Variants in PAPOLB observed in about 807,000 individuals in gnomAD.
The protein encoded by PAPOLB is PAP-beta.
In PAPOLB, 19 loss-of-function variants were observed where a neutral mutation model predicts 23.2. The ratio of observed to expected loss-of-function variants is 0.82; its 90% CI spans 0.57 to 1.20. The LOEUF (loss-of-function observed/expected upper bound fraction) is 1.20, where lower values mean the gene tolerates loss of function less well. Ranked by LOEUF, PAPOLB falls within the 50% of genes most tolerant of loss-of-function variation. The pLI, the probability that PAPOLB is intolerant of heterozygous loss-of-function variation, is 0.00. For synonymous variants in PAPOLB, 360 were observed against 290.7 expected, an observed-to-expected ratio of 1.24 and a Z score of -2.43; for missense variants, 822 against 776.8, an observed-to-expected ratio of 1.06 and a Z score of -0.69.
Position 4,860,658 on chromosome 7 carries a change from C to G in PAPOLB, c.1153G>C (p.Glu385Gln), listed in dbSNP as rs546710495. Residue 385 changes from glutamate (E) to glutamine (Q), a missense_variant, in exon 1 of 1, where the codon GAA (glutamate) becomes CAA (glutamine). Physicochemically the swap from Glu to Gln is conservative, Grantham distance 29. Around this residue, in one of 3 missense-constraint regions of PAPOLB, gnomAD observed 534 missense variants for 502.8 expected, o/e 1.06. Transcript: ENST00000404991. ...YIVLLASAST[E>Q]KQHLEWVGLV... ...CCCACCCATTCTAAATGTTGTTTTT[C>G]TGTTGATGCACTTGCCAGAAGTACA... 24 of 1,614,186 alleles carry G rather than the reference C, an allele frequency of 1.5e-5. No homozygotes were observed. In the Admixed American group the frequency reaches 4.0e-4, roughly 27 times the overall value.
Position 4,861,481 on chromosome 7 carries a change from C to T in PAPOLB, c.330G>A (p.Thr110=), listed in dbSNP as rs1023397543. The part of the protein sequence containing the change: ...TFGSYRLGVH[T]KGADIDALCV... ...ACAAGGCGTCAATATCTGCGCCTTT[C>T]GTATGTACTCCTAATCTGTAAGAGC... The change falls in exon 1 of 1, where the codon ACG becomes ACA. Residue 110 remains threonine (T), a synonymous_variant. Coordinates refer to ENST00000404991, the MANE Select transcript of PAPOLB (RefSeq NM_020144.5). The T allele has an allele frequency of 2.5e-6, 4 of 1,614,094 alleles. No individual in the cohort carries two copies. Among genetic ancestry groups the T allele is most frequent in the Admixed American group, 1.7e-5 (1 of 60,016 alleles).
rs1381318987 is a variant in PAPOLB, at chr7:4,860,414, T to C, written c.1397A>G (p.Asp466Gly). ...DLTYDIQSFTDTVYRQAVNSK... is the reference protein window; with the variant it reads ...DLTYDIQSFTGTVYRQAVNSK... ...ATTCACTGCTTGCCTATAAACAGTA[T>C]CTGTGAAAGACTGGATATCATAGGT... Residue 466 changes from aspartate (D) to glycine (G), a missense_variant, in exon 1 of 1, where the codon GAT (aspartate) becomes GGT (glycine). This residue lies in a region of PAPOLB where 534 missense variants were observed against 502.8 expected (regional missense o/e 1.06). Transcript: ENST00000404991. 3 of 1,613,948 alleles carry C rather than the reference T, an allele frequency of 1.9e-6. No individual in the cohort carries two copies. Among genetic ancestry groups the C allele is most frequent in the Non-Finnish European group, 2.5e-6 (3 of 1,179,898 alleles).
In PAPOLB at chr7:4,860,192, G is replaced by A. The variant is rs1381773139; in HGVS notation, c.1619C>T (p.Thr540Ile). 1 of 1,613,914 alleles carries A rather than the reference G, an allele frequency of 6.2e-7. No individual in the cohort carries two copies. The highest frequency in any genetic ancestry group is 1.3e-5 in the African/African-American group (1 of 74,934). The change falls in exon 1 of 1, where the codon ACT (threonine) becomes ATT (isoleucine). Residue 540 changes from threonine (T) to isoleucine (I), a missense_variant. Thr to Ile is a moderately conservative substitution (Grantham distance 89). Transcript: ENST00000404991. ...CAATGGGCCTGTCTTCATAGTGCTA[G>A]TAGATGAAGGCACAGACATGCTGTT... ...CENSMSVPSS[T>I]STMKTGPLIS...
At position 4,859,306 on chromosome 7, in the gene PAPOLB, G is replaced by A. The variant is rs955294750; in HGVS notation, c.*591C>T. 6.5e-6 allele frequency: 1 copy of A among 152,882 alleles called. No homozygotes were observed. Among genetic ancestry groups the A allele is most frequent in the Non-Finnish European group, 1.5e-5 (1 of 68,290 alleles). 9.5% of individuals were successfully genotyped at this position (152,882 alleles called of 1,614,324 possible). On this transcript the variant is annotated 3_prime_UTR_variant, in exon 1 of 1. Coordinates refer to ENST00000404991, the MANE Select transcript of PAPOLB (RefSeq NM_020144.5). ...ATAAAAAATATAAAGTGCCTCATCA[G>A]TATAAGGAATTCTGATACCAGTTTG...
Position 4,860,959 on chromosome 7 carries a change from G to A in PAPOLB, c.852C>T (p.Asn284=). The change falls in exon 1 of 1, where the codon AAC becomes AAT. Residue 284 remains asparagine (N), a synonymous_variant. Transcript: ENST00000404991. ...CTTCAGGCTCCTTCAGTAACACTGGGTTTGGCCATTCCCATTCTGAAAATA... is the reference window on the plus strand; with the variant it reads ...CTTCAGGCTCCTTCAGTAACACTGGATTTGGCCATTCCCATTCTGAAAATA... ...FLVFSEWEWP[N]PVLLKEPEER... 6.2e-7 allele frequency: 1 copy of A among 1,614,216 alleles called. No homozygotes were observed. The highest frequency in any genetic ancestry group is 8.5e-7 in the Non-Finnish European group (1 of 1,180,046).
chr7:4,861,071 C>A lies in PAPOLB; in HGVS notation c.740G>T (p.Gly247Val), dbSNP rs1783978704. The change falls in exon 1 of 1, where the codon GGT (glycine) becomes GTT (valine). Residue 247 changes from glycine (G) to valine (V), a missense_variant. By Grantham distance (109) the Gly-to-Val change is moderately radical. This residue lies in a region of PAPOLB where 534 missense variants were observed against 502.8 expected (regional missense o/e 1.06). Coordinates refer to ENST00000404991, the MANE Select transcript of PAPOLB (RefSeq NM_020144.5). ...TGCTACTAGCATGGCCCAGGAAACA[C>A]CTCCGAGGAAACCTAATATATTGGA... Reference protein sequence around the residue: ...IYSNILGFLGGVSWAMLVART... With the variant: ...IYSNILGFLGVVSWAMLVART... The A allele has an allele frequency of 6.2e-7, 1 of 1,614,068 alleles. No homozygotes were observed. The highest frequency in any genetic ancestry group is 1.7e-5 in the Admixed American group (1 of 60,010).
Position 4,860,703 on chromosome 7 carries a change from G to A in PAPOLB, c.1108C>T (p.Gln370Ter), listed in dbSNP as rs1007017295. The change falls in exon 1 of 1, where the codon CAA (glutamine) becomes TAA (stop). Residue 370 changes from glutamine to a stop codon, truncating the protein, a stop_gained. Coordinates refer to ENST00000404991, the MANE Select transcript of PAPOLB (RefSeq NM_020144.5). LOFTEE classifies it low-confidence loss of function (END_TRUNC). The part of the protein sequence containing the change: ...SKLFEAPSFF[Q>*]KYKHYIVLLA... Reference sequence around the variant, plus strand: ...AGTACAATATAATGCTTGTACTTTTGAAAGAAGCTTGGAGCTTCAAAGAGT... The same window carrying A: ...AGTACAATATAATGCTTGTACTTTTAAAAGAAGCTTGGAGCTTCAAAGAGT... The A allele has an allele frequency of 1.2e-6, 2 of 1,614,100 alleles. No individual in the cohort carries two copies. The highest frequency in any genetic ancestry group is 1.7e-6 in the Non-Finnish European group (2 of 1,180,000).
In PAPOLB at chr7:4,860,079, G is replaced by T; in HGVS notation, c.1732C>A (p.Gln578Lys). 6.2e-7 allele frequency: 1 copy of T among 1,614,016 alleles called. No individual in the cohort carries two copies. Among genetic ancestry groups the T allele is most frequent in the Non-Finnish European group, 8.5e-7 (1 of 1,179,872 alleles). The change falls in exon 1 of 1, where the codon CAA becomes AAA. Residue 578 changes from glutamine (Q) to lysine (K), a missense_variant. Physicochemically the swap from Gln to Lys is moderately conservative, Grantham distance 53 (BLOSUM62 1). Coordinates refer to ENST00000404991, the MANE Select transcript of PAPOLB (RefSeq NM_020144.5). Reference protein sequence around the residue: ...ANIQATEFSLQQVNTNESSGV... With the variant: ...ANIQATEFSLKQVNTNESSGV... ...GAACTTTCATTGGTATTCACCTGTT[G>T]CAAGGAAAATTCAGTAGCCTGTATG...
Position 4,860,527 on chromosome 7 carries a change from A to G in PAPOLB, c.1284T>C (p.Asn428=), listed in dbSNP as rs745899222. 11 of 1,614,080 alleles carry G rather than the reference A, an allele frequency of 6.8e-6. No individual in the cohort carries two copies. In the South Asian group the frequency reaches 1.1e-4, roughly 16 times the overall value. The change falls in exon 1 of 1, where the codon AAT becomes AAC. Residue 428 remains asparagine (N), a synonymous_variant. Transcript: ENST00000404991. ...NPQSFPAPKE[N]PDMEEFRTMW... is the part of the protein sequence containing the mutation. ...TTGTACGAAATTCTTCCATATCAGG[A>G]TTTTCTTTGGGTGCTGGAAATGACT... is the stretch of plus-strand genomic sequence containing the variant.
chr7:4,860,005 G>C lies in PAPOLB; in HGVS notation c.1806C>G (p.Ala602=). The C allele has an allele frequency of 6.2e-7, 1 of 1,613,910 alleles. No homozygotes were observed. The highest frequency in any genetic ancestry group is 8.5e-7 in the Non-Finnish European group (1 of 1,179,824). ...CCATGGCCTTTGGTGATGGAGAAATGGCAGGCTGAGAGACAGCGTGAGGAA... is the reference window on the plus strand; with the variant it reads ...CCATGGCCTTTGGTGATGGAGAAATCGCAGGCTGAGAGACAGCGTGAGGAA... ...ESIPHAVSQP[A]ISPSPKAMVA... Residue 602 remains alanine, a synonymous_variant, in exon 1 of 1, where the codon GCC becomes GCG. Coordinates refer to ENST00000404991, the MANE Select transcript of PAPOLB (RefSeq NM_020144.5).
Position 4,859,729 on chromosome 7 carries a change from G to A in PAPOLB, c.*168C>T, listed in dbSNP as rs1164451690. The A allele has an allele frequency of 5.0e-6, 3 of 597,662 alleles. No homozygotes were observed. The highest frequency in any genetic ancestry group is 1.9e-5 in the African/African-American group (1 of 53,806). 37.0% of individuals were successfully genotyped at this position (597,662 alleles called of 1,614,324 possible). A position where few individuals can be genotyped will look rare whatever the true frequency, so the allele number is the denominator to read the frequency against. ...GAATTGGATTTGCAGGGAGAACAGG[G>A]ATACCGGAAAGATCTATACTGATGT... is the stretch of plus-strand genomic sequence containing the variant. On this transcript the variant is annotated 3_prime_UTR_variant, in exon 1 of 1. Coordinates refer to ENST00000404991, the MANE Select transcript of PAPOLB (RefSeq NM_020144.5).
chr7:4,859,966 A>C lies in PAPOLB; in HGVS notation c.1845T>G (p.Val615=), dbSNP rs761341667. The C allele has an allele frequency of 1.2e-6, 2 of 1,614,028 alleles. No homozygotes were observed. The highest frequency in any genetic ancestry group is 1.7e-5 in the Admixed American group (1 of 60,016). ...PSPKAMVARV[V]SSTCLISHPD... ...GATGGCTTATGAGACATGTTGAAGA[A>C]ACAACTCTGGCGACCATGGCCTTTG... is the stretch of plus-strand genomic sequence containing the variant. Residue 615 remains valine (V), a synonymous_variant, in exon 1 of 1, where the codon GTT becomes GTG. Transcript: ENST00000404991.
rs1376690776 is a variant in PAPOLB at position 4,858,941 on chromosome 7, G to A, written c.*956C>T. 1 of 152,212 alleles carries A rather than the reference G, an allele frequency of 6.6e-6. No individual in the cohort carries two copies. The highest frequency in any genetic ancestry group is 2.4e-5 in the African/African-American group (1 of 41,456). The allele number at this position is 152,212 out of a possible 1,614,324, so 9.4% of individuals were successfully genotyped here. On this transcript the variant is annotated 3_prime_UTR_variant, in exon 1 of 1. Transcript: ENST00000404991. Reference sequence around the variant, plus strand: ...TTAGGACTAATGATTGAGGACAAGAGAATATGGAGCTTTGATAGCTCAAAG... The same window carrying A: ...TTAGGACTAATGATTGAGGACAAGAAAATATGGAGCTTTGATAGCTCAAAG...
rs761304191 is a variant in PAPOLB at position 4,860,567 on chromosome 7, G to A, written c.1244C>T (p.Ala415Val). Residue 415 changes from alanine (A) to valine (V), a missense_variant, in exon 1 of 1, where the codon GCA becomes GTA. Transcript: ENST00000404991. ...SLEKNEFITL[A>V]HVNPQSFPAP... ...TGGAAATGACTGTGGATTCACATGT[G>A]CCAGTGTAATAAATTCATTCTTCTC... 2.5e-6 allele frequency: 4 copies of A among 1,614,142 alleles called. No homozygotes were observed. In the South Asian group the frequency reaches 3.3e-5, roughly 13 times the overall value.
At position 4,861,842 on chromosome 7, in the gene PAPOLB, C is replaced by CCCACCACCGCGACCTTCACGTCCG; in HGVS notation, c.-33_-32insCGGACGTGAAGGTCGCGGTGGTGG. 1 of 1,395,736 alleles carries CCCACCACCGCGACCTTCACGTCCG rather than the reference C, an allele frequency of 7.2e-7. No homozygotes were observed. The highest frequency in any genetic ancestry group is 1.5e-5 in the African/African-American group (1 of 68,700). 86.5% of individuals were successfully genotyped at this position (1,395,736 alleles called of 1,614,324 possible). On this transcript the variant is annotated 5_prime_UTR_variant, in exon 1 of 1. Transcript: ENST00000404991. ...GCGCCCGCCCCGCCAGGGCACGTCC[C>CCCACCACCGCGACCTTCACGTCCG]CCACCACCGCGACCTTCGCGGCCGC...
Position 4,861,837 on chromosome 7 carries a change from C to T in PAPOLB, c.-27G>A. 3 of 1,400,580 alleles carry T rather than the reference C, an allele frequency of 2.1e-6. No individual in the cohort carries two copies. Among genetic ancestry groups the T allele is most frequent in the Non-Finnish European group, 1.9e-6 (2 of 1,074,568 alleles). 86.8% of individuals were successfully genotyped at this position (1,400,580 alleles called of 1,614,324 possible). On this transcript the variant is annotated 5_prime_UTR_variant, in exon 1 of 1. The change creates a new upstream start codon in the 5' untranslated region. Coordinates refer to ENST00000404991, the MANE Select transcript of PAPOLB (RefSeq NM_020144.5). ...TTTCAGCGCCCGCCCCGCCAGGGCACGTCCCCCACCACCGCGACCTTCGCG... is the reference window on the plus strand; with the variant it reads ...TTTCAGCGCCCGCCCCGCCAGGGCATGTCCCCCACCACCGCGACCTTCGCG...
chr7:4,861,301 T>C lies in PAPOLB; in HGVS notation c.510A>G (p.Leu170=), dbSNP rs113890159. The change falls in exon 1 of 1, where the codon TTA becomes TTG. Residue 170 remains leucine, a synonymous_variant. Transcript: ENST00000404991. ...LCFDGIEIDI[L]FARLALQTIP... Reference sequence around the variant, plus strand: ...TAGTCTGTAGTGCTAATCTTGCAAATAAAATATCAATCTCTATCCCATCAA... The same window carrying C: ...TAGTCTGTAGTGCTAATCTTGCAAACAAAATATCAATCTCTATCCCATCAA... 3.2e-5 allele frequency: 51 copies of C among 1,614,098 alleles called. No homozygotes were observed. The African/African-American group carries it at 4.1e-4, about 13-fold the overall frequency.
At position 4,860,911 on chromosome 7, in the gene PAPOLB, T is replaced by C. The variant is rs770331198; in HGVS notation, c.900A>G (p.Val300=). Residue 300 remains valine, a synonymous_variant, in exon 1 of 1, where the codon GTA becomes GTG. Coordinates refer to ENST00000404991, the MANE Select transcript of PAPOLB (RefSeq NM_020144.5). ...EPEERNLNLP[V]WDPRVNPSDR... ...CACTGGGATTTACTCTTGGGTCCCA[T>C]ACAGGCAAATTAAGATTCCGTTCTT... 2.5e-6 allele frequency: 4 copies of C among 1,614,202 alleles called. No homozygotes were observed. The highest frequency in any genetic ancestry group is 1.1e-5 in the South Asian group (1 of 91,082).
At position 4,861,860 on chromosome 7, in the gene PAPOLB, G is replaced by T. The variant is rs774932727; in HGVS notation, c.-50C>A. On this transcript the variant is annotated 5_prime_UTR_variant, in exon 1 of 1. Transcript: ENST00000404991. ...CACGTCCCCCACCACCGCGACCTTC[G>T]CGGCCGCCGCCCGGGTCATGATCCG... The T allele has an allele frequency of 1.8e-6, 1 of 544,562 alleles. No individual in the cohort carries two copies. 33.7% of individuals were successfully genotyped at this position (544,562 alleles called of 1,614,324 possible).
Sources: allele counts gnomAD v4.1 joint callset, GRCh38; gene constraint gnomAD v4.1.1; regional missense constraint gnomAD v4.1.1; transcripts MANE v1.5; gene names NCBI Gene and HGNC (gene_info 2026-07-23, HGNC 2026-07-21).